The following RXRG variants were observed in gnomAD, a reference collection of about 807,000 sequenced individuals.
The protein encoded by RXRG is retinoid X receptor gamma.
A neutral mutation model predicts 49.2 loss-of-function variants in RXRG; 19 were observed. That is an observed-to-expected ratio of 0.39 (90% CI 0.27 to 0.57). RXRG has a LOEUF of 0.57. Ranked by LOEUF, RXRG falls within the 20% of genes least tolerant of loss-of-function variation. The pLI is 0.64. For missense variants in RXRG, 452 were observed against 592.5 expected, an observed-to-expected ratio of 0.76 and a Z score of 2.46; for synonymous variants, 224 against 216.6, an observed-to-expected ratio of 1.03 and a Z score of -0.30.
chr1:165,427,049 G>C (rs1204225084), intron 2 of RXRG, among the ~76,000 whole-genome samples: 1 of 152,208 alleles, frequency 6.6e-6, no homozygotes, highest in Non-Finnish European at 1.5e-5. Flanking sequence ...ACTCACATTA[G>C]GGAGGGCAAA....
At chr1:165,429,501 G>C (rs953467484) in intron 1 of RXRG, among the ~76,000 whole-genome samples, 8 of 152,304 alleles carry the variant, frequency 5.3e-5, no homozygotes, top group Admixed American at 1.3e-4. Flanking sequence ...GCACACAGTC[G>C]CTGACATCAG....
At chr1:165,433,789 G>T (rs187848299) in intron 1 of RXRG, among the ~76,000 whole-genome samples, 85 of 152,352 alleles carry the variant, frequency 5.6e-4, no homozygotes, top group African/African-American at 2.0e-3. Flanking sequence ...CAGATGCTGA[G>T]GGGTACCTCC....
At chr1:165,426,987 G>A (rs559742737) in intron 2 of RXRG, among the ~76,000 whole-genome samples, 1 of 152,322 alleles carries the variant, frequency 6.6e-6, no homozygotes, top group African/African-American at 2.4e-5. Flanking sequence ...TTACTCAGAG[G>A]AGGGTGAGCT....
rs184337832 is a variant in RXRG at position 165,415,039 on chromosome 1, A to G, written c.622+2002T>C. On this transcript the variant is annotated intron_variant, in intron 4 of 9. Transcript: ENST00000359842. The stretch of plus-strand genomic sequence containing the variant: ...TTCATGGATACAGACAGTAAACAAG[A>G]TAAGTACAAGTGTTAGATCATGATA... Among the ~76,000 whole-genome samples the G allele has an allele frequency of 1.8e-3, 269 of 152,344 alleles. 2 individuals are homozygous for G. The highest frequency in any genetic ancestry group is 2.9e-3 in the Non-Finnish European group (197 of 68,032).
intron 1 of RXRG, among the ~76,000 whole-genome samples, chr1:165,442,174 G>T (rs188230): frequency 0.34 from 52,295 of 152,012 alleles, 9,613 homozygotes; most frequent in African/African-American, 0.48. Flanking sequence ...GGGGAGGTTA[G>T]AGGCCAAAGG....
chr1:165,403,064 C>T (rs1657637888), intron 9 of RXRG, among the ~76,000 whole-genome samples: 1 of 152,208 alleles, frequency 6.6e-6, no homozygotes, highest in African/African-American at 2.4e-5. Flanking sequence ...CATACACACC[C>T]TCACACACAT....
At chr1:165,443,810 C>G (rs890726041) in intron 1 of RXRG, among the ~76,000 whole-genome samples, 1 of 152,186 alleles carries the variant, frequency 6.6e-6, no homozygotes, top group Non-Finnish European at 1.5e-5. Flanking sequence ...TAGTCCCAAG[C>G]CTTCAGATGA....
chr1:165,401,242 G>A lies in RXRG; in HGVS notation c.*21C>T, dbSNP rs1302507147. Reference sequence around the variant, plus strand: ...CCTGCCCAGGGGTCATCCTGGGTGGGGAGGCTGTGGCTGGTGGGGCTCAGG... The same window carrying A: ...CCTGCCCAGGGGTCATCCTGGGTGGAGAGGCTGTGGCTGGTGGGGCTCAGG... On this transcript the variant is annotated 3_prime_UTR_variant, in exon 10 of 10. Transcript: ENST00000359842. The A allele has an allele frequency of 1.2e-6, 2 of 1,613,270 alleles. No homozygotes were observed. The highest frequency in any genetic ancestry group is 1.7e-6 in the Non-Finnish European group (2 of 1,179,644).
intron 1 of RXRG, among the ~76,000 whole-genome samples, chr1:165,435,054 A>G (rs189173737): frequency 1.8e-4 from 27 of 152,322 alleles, no homozygotes; most frequent in Non-Finnish European, 3.5e-4. Flanking sequence ...CCCAAATCCA[A>G]AATGCTCCAA....
chr1:165,415,027 A>C (rs1658082064), intron 4 of RXRG, among the ~76,000 whole-genome samples: 1 of 152,226 alleles, frequency 6.6e-6, no homozygotes, highest in Non-Finnish European at 1.5e-5. Flanking sequence ...ATGGATACAG[A>C]CAGTAAACAA....
chr1:165,430,865 AC>A (rs1658651041), intron 1 of RXRG, among the ~76,000 whole-genome samples: 1 of 152,102 alleles, frequency 6.6e-6, no homozygotes, highest in South Asian at 2.1e-4. Context: ...AGGATGACTT[AC>A]CCCTGCCTCC....
At chr1:165,415,971 G>C (rs765251123) in intron 4 of RXRG, among the ~76,000 whole-genome samples, 2 of 152,144 alleles carry the variant, frequency 1.3e-5, no homozygotes, top group Non-Finnish European at 2.9e-5. Context: ...CTGGCGGATG[G>C]TTACAGTTGA....
chr1:165,442,343 A>C (rs1175735258), intron 1 of RXRG, among the ~76,000 whole-genome samples: 1 of 152,216 alleles, frequency 6.6e-6, no homozygotes, highest in Non-Finnish European at 1.5e-5. Context: ...ATGCCAACAA[A>C]ATGGAAAACC....
intron 2 of RXRG, among the ~76,000 whole-genome samples, chr1:165,427,179 C>T (rs1479070042): frequency 1.3e-5 from 2 of 152,176 alleles, no homozygotes; most frequent in African/African-American, 2.4e-5. Context: ...CAAGTTGACA[C>T]ATAAAGGCCC....
intron 1 of RXRG, among the ~76,000 whole-genome samples, chr1:165,429,937 A>T (rs1224267087): frequency 6.6e-6 from 1 of 152,154 alleles, no homozygotes; most frequent in Non-Finnish European, 1.5e-5. Flanking sequence ...TCCAGAAGAG[A>T]GGAGCTATAA....
At chr1:165,444,099 G>A (rs1659084132) in intron 1 of RXRG, among the ~76,000 whole-genome samples, 1 of 152,146 alleles carries the variant, frequency 6.6e-6, no homozygotes, top group African/African-American at 2.4e-5. Context: ...AAGCTTCTGT[G>A]AAGTGTGACT....
At position 165,403,329 on chromosome 1, in the gene RXRG, G is replaced by A. The variant is rs554323231; in HGVS notation, c.1245-1919C>T. Among the ~76,000 whole-genome samples the A allele has an allele frequency of 7.2e-5, 11 of 152,274 alleles. No homozygotes were observed. In the South Asian group the frequency reaches 2.1e-3, roughly 29 times the overall value. ...GACCAAAATCACTTTAGTCACTGTG[G>A]CCCTAAGTCAGAGATTTCTGGTTCC... On this transcript the variant is annotated intron_variant, in intron 9 of 9. Transcript: ENST00000359842.
chr1:165,411,250 A>G, intron 4 of RXRG, 141 bp from the exon 5 acceptor site: 2 of 877,460 alleles, frequency 2.3e-6, no homozygotes. Flanking sequence ...TGGAATGTTG[A>G]CAGATGAAAC....
At chr1:165,408,341 T>C in intron 7 of RXRG, 23 bp from the exon 8 acceptor site, 1 of 1,557,474 alleles carries the variant, frequency 6.4e-7, no homozygotes, top group South Asian at 1.1e-5. Flanking sequence ...AACAAGCAGG[T>C]AATGAGAAAA....
Sources: allele counts gnomAD v4.1 joint callset (sites outside exome capture counted in the v4.1 genomes callset), GRCh38; gene constraint gnomAD v4.1.1; transcripts MANE v1.5; gene names NCBI Gene and HGNC (gene_info 2026-07-23, HGNC 2026-07-21).